Variants in DENND10 observed in about 807,000 individuals in gnomAD.
DENND10 encodes DENN domain containing 10, also known as DENN domain-containing protein 10.
Under a neutral mutation model 43.6 loss-of-function variants are expected in DENND10, and 24 were observed. The ratio of observed to expected loss-of-function variants is 0.55; its 90% CI spans 0.40 to 0.77. DENND10 has a LOEUF of 0.77. DENND10 is among the 30% of genes least tolerant of loss of function. The pLI is 0.00. For synonymous variants in DENND10, 125 were observed against 157.6 expected (o/e 0.79, Z 1.55); for missense variants, 303 against 429.9 (o/e 0.70, Z 2.61).
intron 7 of DENND10, among the ~76,000 whole-genome samples, chr10:119,131,372 CA>C (rs2133530679): frequency 6.6e-6 from 1 of 152,264 alleles, no homozygotes; most frequent in South Asian, 2.1e-4. Context: ...GCAGGAGAAT[CA>C]GTTGAACCCG....
Position 119,120,354 on chromosome 10 carries a change from G to A in DENND10, c.495G>A (p.Gln165=), listed in dbSNP as rs769363889. ...LAGSIKDIVS[Q]FGMETVILHT... Reference sequence around the variant, plus strand: ...TCTTTTTTGAAGACATTGTATCTCAGTTTGGAATGGAAACTGTTATCTTAC... The same window carrying A: ...TCTTTTTTGAAGACATTGTATCTCAATTTGGAATGGAAACTGTTATCTTAC... The change falls in exon 5 of 9, where the codon CAG becomes CAA. Residue 165 remains glutamine (Q), a synonymous_variant. Transcript: ENST00000361432. The A allele has an allele frequency of 6.2e-7, 1 of 1,601,348 alleles. No homozygotes were observed. Among genetic ancestry groups the A allele is most frequent in the Non-Finnish European group, 8.6e-7 (1 of 1,168,412 alleles).
At chr10:119,108,493 AAAAAAG>A (rs1844811944) in intron 2 of DENND10, among the ~76,000 whole-genome samples, 2 of 64,362 alleles carry the variant, frequency 3.1e-5, no homozygotes, top group Non-Finnish European at 8.1e-5. Flanking sequence ...AAAAAAAAAA[AAAAAAG>A]AAAAGAAAAT....
In DENND10 at chr10:119,108,035, C is replaced by A. The variant is rs756610065; in HGVS notation, c.123C>A (p.Asn41Lys). 2 of 1,613,258 alleles carry A rather than the reference C, an allele frequency of 1.2e-6. No homozygotes were observed. The highest frequency in any genetic ancestry group is 1.1e-5 in the South Asian group (1 of 91,066). ...CTTCCACGACAGCCACATTAAGGAACCTGCTGCTGAGAAAATGCTGCCTTA... is the reference window on the plus strand; with the variant it reads ...CTTCCACGACAGCCACATTAAGGAAACTGCTGCTGAGAAAATGCTGCCTTA... The part of the protein sequence containing the change: ...CYPSTTATLR[N>K]LLLRKCCLTD... The change falls in exon 2 of 9, where the codon AAC (asparagine) becomes AAA (lysine). Residue 41 changes from asparagine (N) to lysine (K), a missense_variant. Asn to Lys is a moderately conservative substitution (Grantham distance 94). Transcript: ENST00000361432.
Position 119,117,677 on chromosome 10 carries a change from G to GA in DENND10, c.481+16dup. On this transcript the variant is annotated intron_variant, in intron 4 of 8. Transcript: ENST00000361432. Reference sequence around the variant, plus strand: ...GCTGGCTCCATCAAAGGTAAGAAGGGAAAAAACAGGCCAGGGACGGTGGCT... The same window carrying GA: ...GCTGGCTCCATCAAAGGTAAGAAGGGAAAAAAACAGGCCAGGGACGGTGGCT... 1.2e-6 allele frequency: 2 copies of GA among 1,611,918 alleles called. No individual in the cohort carries two copies. The highest frequency in any genetic ancestry group is 2.2e-5 in the South Asian group (2 of 90,870).
intron 2 of DENND10, among the ~76,000 whole-genome samples, chr10:119,109,313 T>C (rs1341360379): frequency 6.6e-6 from 1 of 152,002 alleles, no homozygotes; most frequent in African/African-American, 2.4e-5. Context: ...ACAGTATCAG[T>C]GTGACATGTG....
At chr10:119,108,274 A>G (rs1844795933) in intron 2 of DENND10, 110 bp downstream of exon 2, 1 of 772,304 alleles carries the variant, frequency 1.3e-6, no homozygotes, top group Non-Finnish European at 2.2e-6. Flanking sequence ...CACAAGGTCA[A>G]GAGATTCAGA....
chr10:119,104,126 C>A lies in DENND10; in HGVS notation c.-17C>A. 2 of 1,500,606 alleles carry A rather than the reference C, an allele frequency of 1.3e-6. No individual in the cohort carries two copies. Among genetic ancestry groups the A allele is most frequent in the Admixed American group, 2.3e-5 (1 of 43,226 alleles). The allele number at this position is 1,500,606 out of a possible 1,614,324, so 93.0% of individuals were successfully genotyped here. On this transcript the variant is annotated 5_prime_UTR_variant, in exon 1 of 9. Coordinates refer to ENST00000361432, the MANE Select transcript of DENND10 (RefSeq NM_207009.4). ...CCTGCAGGCGGCAGCCAGAGCTGCG[C>A]GCCGCGGCGGCGGAAGATGGCTGCG...
At chr10:119,123,919 C>T (rs1347988109) in intron 6 of DENND10, among the ~76,000 whole-genome samples, 3 of 148,312 alleles carry the variant, frequency 2.0e-5, no homozygotes, top group East Asian at 2.0e-4. Flanking sequence ...TGGCCGGGAG[C>T]GGTAGCTCAC....
At position 119,123,486 on chromosome 10, in the gene DENND10, T is replaced by C. The variant is rs1845675563; in HGVS notation, c.611T>C (p.Val204Ala). The change falls in exon 6 of 9, where the codon GTG becomes GCG. Residue 204 changes from valine to alanine, a missense_variant. Physicochemically the swap from Val to Ala is moderately conservative, Grantham distance 64. Coordinates refer to ENST00000361432, the MANE Select transcript of DENND10 (RefSeq NM_207009.4). ...QEFTRTLPAL[V>A]WHRQDWTILH... ...TTCCCCAGGACTCTGCCTGCCCTGG[T>C]GTGGCACCGACAGGACTGGACCATC... 1 of 1,613,892 alleles carries C rather than the reference T, an allele frequency of 6.2e-7. No homozygotes were observed. The highest frequency in any genetic ancestry group is 8.5e-7 in the Non-Finnish European group (1 of 1,179,828).
At chr10:119,128,849 G>A (rs1041852227) in intron 6 of DENND10, among the ~76,000 whole-genome samples, 4 of 151,988 alleles carry the variant, frequency 2.6e-5, no homozygotes, top group African/African-American at 9.7e-5. Flanking sequence ...ACTCAATCAC[G>A]AGAACCACAC....
chr10:119,104,375 G>A (rs1844579692), intron 1 of DENND10, among the ~76,000 whole-genome samples, 178 bp downstream of exon 1: 1 of 151,354 alleles, frequency 6.6e-6, no homozygotes, highest in Non-Finnish European at 1.5e-5. Flanking sequence ...TGGTGCAGGG[G>A]ACCCGGCCCG....
At chr10:119,112,952 C>T (rs1270367228) in intron 3 of DENND10, among the ~76,000 whole-genome samples, 5 of 151,512 alleles carry the variant, frequency 3.3e-5, no homozygotes, top group African/African-American at 9.7e-5. Flanking sequence ...TGGGTTCAAG[C>T]GATTCTCTTG....
chr10:119,108,716 G>A (rs1464463019), intron 2 of DENND10, among the ~76,000 whole-genome samples: 28 of 150,368 alleles, frequency 1.9e-4, no homozygotes, highest in African/African-American at 4.1e-4. Flanking sequence ...GTGCAATGGC[G>A]CAATCTCGGC....
intron 4 of DENND10, 142 bp from the exon 5 acceptor site, chr10:119,120,199 T>G (rs2133492240): frequency 1.9e-6 from 1 of 531,094 alleles, no homozygotes; most frequent in Non-Finnish European, 3.4e-6. Context: ...GGTGAGCAAC[T>G]ATCTTGCCAC....
At chr10:119,117,104 A>G (rs1845326085) in intron 3 of DENND10, among the ~76,000 whole-genome samples, 1 of 152,044 alleles carries the variant, frequency 6.6e-6, no homozygotes, top group Non-Finnish European at 1.5e-5. Context: ...TAAGTGCAGT[A>G]AGTGCAGCTG....
At chr10:119,105,928 G>T (rs1206399876) in intron 1 of DENND10, among the ~76,000 whole-genome samples, 1 of 152,174 alleles carries the variant, frequency 6.6e-6, no homozygotes, top group Non-Finnish European at 1.5e-5. Flanking sequence ...AGGCGTGGTG[G>T]CTCATGCCTG....
At position 119,117,431 on chromosome 10, in the gene DENND10, G is replaced by T. The variant is rs1845343883; in HGVS notation, c.333-88G>T. 1.7e-5 allele frequency: 24 copies of T among 1,406,816 alleles called. 1 individual carries two copies. The South Asian group carries it at 2.0e-4, about 12-fold the overall frequency. 87.1% of individuals were successfully genotyped at this position (1,406,816 alleles called of 1,614,324 possible). A position where few individuals can be genotyped will look rare whatever the true frequency, so the allele number is the denominator to read the frequency against. On this transcript the variant is annotated intron_variant, in intron 3 of 8. Transcript: ENST00000361432. ...AGTAGCAAGGTGGCCTCGGATTCTT[G>T]AGAAGGCACCCATACCAGCCTGGGT...
rs1208163296 is a variant in DENND10, at chr10:119,132,338, A to G, written c.803-177A>G. On this transcript the variant is annotated intron_variant, in intron 7 of 8. Coordinates refer to ENST00000361432, the MANE Select transcript of DENND10 (RefSeq NM_207009.4). The surrounding 1 kb of genome is among the most constrained non-coding windows in gnomAD (Gnocchi z 4.2). ...GCCCAGAAGTATAAATCACGATTAT[A>G]TTATGCCTTTCCTCCCAGCATGTTG... is the stretch of plus-strand genomic sequence containing the variant. Among the ~76,000 whole-genome samples, 1 of 152,154 alleles carries G rather than the reference A, an allele frequency of 6.6e-6. No individual in the cohort carries two copies. The highest frequency in any genetic ancestry group is 6.6e-5 in the Admixed American group (1 of 15,266).
chr10:119,126,935 G>A (rs188470448), intron 6 of DENND10, among the ~76,000 whole-genome samples: 74 of 141,596 alleles, frequency 5.2e-4, no homozygotes, highest in Non-Finnish European at 8.8e-4. Flanking sequence ...GTCTTGCTCT[G>A]TCGCCCAGGC....
Sources: allele counts gnomAD v4.1 joint callset (sites outside exome capture counted in the v4.1 genomes callset), GRCh38; gene constraint gnomAD v4.1.1; non-coding constraint Gnocchi (gnomAD v3.1); transcripts MANE v1.5; gene names NCBI Gene and HGNC (gene_info 2026-07-23, HGNC 2026-07-21).